CCDC57: variants seen among roughly 807,000 people sequenced by gnomAD.
CCDC57 encodes coiled-coil domain containing 57.
A neutral mutation model predicts 118.9 loss-of-function variants in CCDC57; 118 were observed. The ratio of observed to expected loss-of-function variants is 0.99; its 90% CI spans 0.86 to 1.16. The LOEUF is 1.16. CCDC57 is among the 50% of genes most tolerant of loss of function. CCDC57 has a pLI of 0.00. For synonymous variants in CCDC57, 527 were observed against 532.9 expected, an observed-to-expected ratio of 0.99 and a Z score of 0.15; for missense variants, 1,300 against 1,320.7, an observed-to-expected ratio of 0.98 and a Z score of 0.24.
chr17:82,171,321 T>C (rs1200200834), intron 13 of CCDC57, among the ~76,000 whole-genome samples: 1 of 46,856 alleles, frequency 2.1e-5, no homozygotes, highest in Non-Finnish European at 4.3e-5. Context: ...GCTCTGGAGG[T>C]AGCTCCAGGA....
intron 19 of CCDC57, among the ~76,000 whole-genome samples, chr17:82,120,454 T>C (rs1364979986): frequency 6.6e-6 from 1 of 152,246 alleles, no homozygotes; most frequent in Non-Finnish European, 1.5e-5. Context: ...CGCTCTGTCC[T>C]AGTGTCGGTG....
intron 14 of CCDC57, among the ~76,000 whole-genome samples, chr17:82,158,687 CAAAAAA>C (rs373874358): frequency 3.6e-5 from 4 of 110,782 alleles, no homozygotes; most frequent in Admixed American, 1.7e-4. Context: ...GACTCCATTT[CAAAAAA>C]AAAAAAAAAA....
At chr17:82,167,399 G>A (rs923620450) in intron 13 of CCDC57, among the ~76,000 whole-genome samples, 1 of 149,130 alleles carries the variant, frequency 6.7e-6, no homozygotes, top group Non-Finnish European at 1.5e-5. Flanking sequence ...AGCCCAGGCT[G>A]GAGTGCAGTG....
At chr17:82,115,345 C>A (rs1309817537) in intron 19 of CCDC57, among the ~76,000 whole-genome samples, 1 of 151,418 alleles carries the variant, frequency 6.6e-6, no homozygotes, top group East Asian at 1.9e-4. Flanking sequence ...CCCTTTGGAT[C>A]TTTAGATGAG....
chr17:82,201,581 G>A lies in CCDC57; in HGVS notation c.364C>T (p.Leu122=), dbSNP rs7219708. The A allele has an allele frequency of 1.0e-3, 1,628 of 1,604,458 alleles. 11 individuals carry two copies. In the African/African-American group the frequency reaches 0.018, roughly 18 times the overall value. ...TCCAGGCGATGCTCCTGGAATGCCAGCTGCTGCTGCTGCTGCAGCTCCTCC... is the reference window on the plus strand; with the variant it reads ...TCCAGGCGATGCTCCTGGAATGCCAACTGCTGCTGCTGCTGCAGCTCCTCC... Residue 122 remains leucine (L), a synonymous_variant, in exon 3 of 20, where the codon CTG becomes TTG. Transcript: ENST00000665763.
chr17:82,158,763 G>A (rs12942561), intron 14 of CCDC57, among the ~76,000 whole-genome samples: 70,678 of 151,108 alleles, frequency 0.47, 17,283 homozygotes, highest in East Asian at 0.88. Context: ...TTAGTTGGTT[G>A]CTTAGGCTGG....
intron 16 of CCDC57, among the ~76,000 whole-genome samples, chr17:82,146,739 T>A (rs995318956): frequency 6.6e-6 from 1 of 152,210 alleles, no homozygotes; most frequent in East Asian, 1.9e-4. Flanking sequence ...ACACACACGG[T>A]CTAACATACA....
At chr17:82,126,285 GA>G (rs35272996) in intron 19 of CCDC57, 32,024 of 544,884 alleles carry the variant, frequency 0.059, 110 homozygotes, top group African/African-American at 0.084. Context: ...CATCTCAAAG[GA>G]AAAAAAAAAA....
chr17:82,165,837 G>A (rs1468135484), intron 13 of CCDC57, among the ~76,000 whole-genome samples: 1 of 152,170 alleles, frequency 6.6e-6, no homozygotes, highest in African/African-American at 2.4e-5. Context: ...CATCATCAAG[G>A]CTCTGGAAAG....
At chr17:82,176,518 C>T (rs2045519753) in intron 11 of CCDC57, among the ~76,000 whole-genome samples, 1 of 152,182 alleles carries the variant, frequency 6.6e-6, no homozygotes, top group African/African-American at 2.4e-5. Flanking sequence ...TGTCTACCCC[C>T]ACAGCCACAC....
At chr17:82,128,339 G>T (rs888449719) in intron 18 of CCDC57, among the ~76,000 whole-genome samples, 154 bp downstream of exon 17, 1 of 152,170 alleles carries the variant, frequency 6.6e-6, no homozygotes, top group Admixed American at 6.5e-5. Flanking sequence ...ACGCTCTGCA[G>T]CTCACCCTGC....
chr17:82,108,824 AAAGG>A lies in CCDC57; in HGVS notation c.2900-6962_2900-6959del, dbSNP rs1440570733. The A allele has an allele frequency of 2.0e-5, 3 of 152,238 alleles. No homozygotes were observed. In the East Asian group the frequency reaches 5.8e-4, roughly 29 times the overall value. The allele number at this position is 152,238 out of a possible 1,614,324, so 9.4% of individuals were successfully genotyped here. On this transcript the variant is annotated intron_variant, in intron 19 of 19. Transcript: ENST00000665763. ...AAGAACTGTGGCCGGCGTCTCCAGG[AAAGG>A]AAGGAGCCTCGCTTTCTCCAGGGCA...
At chr17:82,198,911 TGA>T (rs2048632102) in intron 3 of CCDC57, among the ~76,000 whole-genome samples, 1 of 145,606 alleles carries the variant, frequency 6.9e-6, no homozygotes, top group Admixed American at 7.2e-5. Context: ...GAGAATGGCG[TGA>T]ACCCGGGAGG....
At chr17:82,204,352 T>C (rs968181071) in intron 2 of CCDC57, among the ~76,000 whole-genome samples, 5 of 152,152 alleles carry the variant, frequency 3.3e-5, no homozygotes, top group Non-Finnish European at 7.4e-5. Flanking sequence ...GTCCACCCCG[T>C]GTAATGATCC....
chr17:82,108,392 G>T (rs903054945), intron 19 of CCDC57, among the ~76,000 whole-genome samples: 1 of 152,158 alleles, frequency 6.6e-6, no homozygotes, highest in African/African-American at 2.4e-5. Context: ...GTTCGGCCCT[G>T]GTCACAGACT....
At chr17:82,159,575 G>A (rs531539066) in intron 14 of CCDC57, among the ~76,000 whole-genome samples, 2 of 152,206 alleles carry the variant, frequency 1.3e-5, no homozygotes, top group African/African-American at 2.4e-5. Context: ...TGAGGGTAAC[G>A]CACATGTTAA....
At chr17:82,126,285 G>GA (rs35272996) in intron 19 of CCDC57, 25,138 of 559,798 alleles carry the variant, frequency 0.045, no homozygotes, top group East Asian at 0.092. Flanking sequence ...CATCTCAAAG[G>GA]AAAAAAAAAA....
chr17:82,206,427 C>A (rs2049652528), intron 2 of CCDC57, among the ~76,000 whole-genome samples: 1 of 152,092 alleles, frequency 6.6e-6, no homozygotes, highest in Non-Finnish European at 1.5e-5. Flanking sequence ...CCTGACTTTC[C>A]ATTGTAGGTC....
chr17:82,189,942 G>C (rs1211997238), intron 7 of CCDC57, among the ~76,000 whole-genome samples: 1 of 152,088 alleles, frequency 6.6e-6, no homozygotes, highest in East Asian at 1.9e-4. Flanking sequence ...CCCAGGAGGC[G>C]GAGGTTGCAG....
Sources: gnomAD v4.1 joint callset for allele counts (sites outside exome capture counted in the v4.1 genomes callset) on GRCh38, gnomAD v4.1.1 for gene constraint, MANE v1.5 for transcripts, NCBI Gene and HGNC (gene_info 2026-07-23, HGNC 2026-07-21) for gene names.